The following ABCG2 variants were observed in gnomAD, a reference collection of about 807,000 sequenced individuals.
The protein encoded by ABCG2 is broad substrate specificity ATP-binding cassette transporter ABCG2.
ABCG2 carries 80 observed loss-of-function variants against 73.5 expected under a neutral mutation model. The ratio of observed to expected loss-of-function variants is 1.09; its 90% CI spans 0.91 to 1.31. The LOEUF is 1.31. ABCG2 is among the 50% of genes most tolerant of loss of function. ABCG2 has a pLI of 0.00. For missense variants in ABCG2, 796 were observed against 786.2 expected, an observed-to-expected ratio of 1.01 and a Z score of -0.15; for synonymous variants, 269 against 282.4, an observed-to-expected ratio of 0.95 and a Z score of 0.48.
At position 88,202,353 on chromosome 4, in the gene ABCG2, T is replaced by TAAA. The variant is rs59941193; in HGVS notation, c.-20+28640_-20+28641insTTT. Among the ~76,000 whole-genome samples, 10 of 66,658 alleles carry TAAA rather than the reference T, an allele frequency of 1.5e-4. 1 individual carries two copies. The highest frequency in any genetic ancestry group is 2.8e-4 in the Non-Finnish European group (9 of 31,690). 43.7% of individuals were successfully genotyped at this position (66,658 alleles called of 152,430 possible). A position where few individuals can be genotyped will look rare whatever the true frequency, so the allele number is the denominator to read the frequency against. ...TAGGAGGACCCCATCTCTACAATTA[T>TAAA]TTATATATATATATATATATATATG... On this transcript the variant is annotated intron_variant, in intron 1 of 15. Coordinates refer to the ABCG2 transcript ENST00000515655.
At chr4:88,127,528 C>T (rs1724515011) in intron 5 of ABCG2, among the ~76,000 whole-genome samples, 2 of 152,270 alleles carry the variant, frequency 1.3e-5, no homozygotes, top group South Asian at 2.1e-4. Context: ...AACTATACTA[C>T]AAGGCTACAG....
chr4:88,156,372 A>AAAG, intron 1 of ABCG2, among the ~76,000 whole-genome samples: 1 of 144,774 alleles, frequency 6.9e-6, no homozygotes, highest in Non-Finnish European at 1.5e-5. Context: ...CTCCGTCTCA[A>AAAG]AAAAAAAAAA....
intron 8 of ABCG2, among the ~76,000 whole-genome samples, chr4:88,114,164 A>G (rs1348632354): frequency 6.6e-6 from 1 of 152,054 alleles, no homozygotes; most frequent in Non-Finnish European, 1.5e-5. Flanking sequence ...TAAGTAATAA[A>G]TTAAAATGTA....
intron 1 of ABCG2, among the ~76,000 whole-genome samples, chr4:88,207,472 G>A (rs965305982): frequency 3.3e-5 from 5 of 152,076 alleles, no homozygotes; most frequent in African/African-American, 9.7e-5. Context: ...CTTTCTGTTC[G>A]AGGACAAGAA....
At chr4:88,172,464 G>A (rs1727793710) in intron 1 of ABCG2, among the ~76,000 whole-genome samples, 1 of 151,080 alleles carries the variant, frequency 6.6e-6, no homozygotes, top group South Asian at 2.1e-4. Context: ...TGTAATCCCA[G>A]CTTACTCAGG....
At chr4:88,190,684 A>G (rs903472133) in intron 1 of ABCG2, among the ~76,000 whole-genome samples, 12 of 152,230 alleles carry the variant, frequency 7.9e-5, no homozygotes, top group African/African-American at 2.4e-4. Flanking sequence ...TAAGAAAATG[A>G]AAAGACGAGC....
chr4:88,135,757 A>C (rs1161648944), intron 2 of ABCG2, among the ~76,000 whole-genome samples: 1 of 152,222 alleles, frequency 6.6e-6, no homozygotes, highest in Non-Finnish European at 1.5e-5. Context: ...AAATTTCTGC[A>C]TTTTTATAAA....
At chr4:88,119,947 A>G (rs188564993) in intron 6 of ABCG2, among the ~76,000 whole-genome samples, 86 of 152,346 alleles carry the variant, frequency 5.6e-4, no homozygotes, top group African/African-American at 1.9e-3. Flanking sequence ...CCAAATGTTA[A>G]TCACCAAGAC....
chr4:88,220,641 G>A (rs1297623440), intron 1 of ABCG2: 2 of 152,550 alleles, frequency 1.3e-5, no homozygotes, highest in African/African-American at 4.8e-5. Flanking sequence ...GACAGAGAAC[G>A]GTAGACCAGT....
At chr4:88,154,031 G>C (rs1726746746) in intron 1 of ABCG2, among the ~76,000 whole-genome samples, 1 of 152,212 alleles carries the variant, frequency 6.6e-6, no homozygotes. Context: ...GGCCTGTGAG[G>C]CTGGAAGGAG....
intron 1 of ABCG2, among the ~76,000 whole-genome samples, chr4:88,157,423 A>G (rs1317727946): frequency 6.6e-6 from 1 of 152,328 alleles, no homozygotes; most frequent in Non-Finnish European, 1.5e-5. Flanking sequence ...AAATCCAAAT[A>G]AAGTCTGTAG....
At position 88,100,753 on chromosome 4, in the gene ABCG2, G is replaced by A. The variant is rs375017772; in HGVS notation, c.1367+477C>T. 1.6e-4 allele frequency among the ~76,000 whole-genome samples: 24 copies of A among 152,172 alleles called. No individual in the cohort carries two copies. In the East Asian group the frequency reaches 2.9e-3, roughly 18 times the overall value. On this transcript the variant is annotated intron_variant, in intron 11 of 15. Transcript: ENST00000237612. ...GCTCGTGCCACTTCCCTGGTCCACCGAGGGCTAAGCATGGTCACGTTCTTT... is the reference window on the plus strand; with the variant it reads ...GCTCGTGCCACTTCCCTGGTCCACCAAGGGCTAAGCATGGTCACGTTCTTT...
Position 88,203,614 on chromosome 4 carries a change from C to T in ABCG2, c.-20+27380G>A, listed in dbSNP as rs570406270. On this transcript the variant is annotated intron_variant, in intron 1 of 15. Coordinates refer to the ABCG2 transcript ENST00000515655. The stretch of plus-strand genomic sequence containing the variant: ...ACTAAAAATACAAAAATTAGCTGGG[C>T]GTGGTGGTGGGCGCCTGTAATCCCA... Among the ~76,000 whole-genome samples, 18 of 151,992 alleles carry T rather than the reference C, an allele frequency of 1.2e-4. No individual in the cohort carries two copies. In the South Asian group the frequency reaches 3.5e-3, roughly 30 times the overall value.
At chr4:88,194,501 G>A (rs1236787935) in intron 1 of ABCG2, among the ~76,000 whole-genome samples, 1 of 137,728 alleles carries the variant, frequency 7.3e-6, no homozygotes, top group Non-Finnish European at 1.5e-5. Context: ...AGTGAGCCGA[G>A]ATCTGGCCAC....
At chr4:88,168,883 A>G (rs1481184202) in intron 1 of ABCG2, among the ~76,000 whole-genome samples, 1 of 151,622 alleles carries the variant, frequency 6.6e-6, no homozygotes, top group South Asian at 2.1e-4. Flanking sequence ...AAAAAATTGT[A>G]TTAGCAATGC....
intron 1 of ABCG2, among the ~76,000 whole-genome samples, chr4:88,176,039 G>A (rs184919794): frequency 9.9e-5 from 15 of 152,216 alleles, no homozygotes; most frequent in African/African-American, 3.4e-4. Context: ...TCCTCACAGA[G>A]TTCTCTACAG....
chr4:88,191,838 T>A (rs1168148355), intron 1 of ABCG2, among the ~76,000 whole-genome samples: 2 of 152,120 alleles, frequency 1.3e-5, no homozygotes, highest in African/African-American at 4.8e-5. Context: ...ACATGCTAAG[T>A]ATAATAAAAG....
chr4:88,175,428 A>C (rs7657928), intron 1 of ABCG2, among the ~76,000 whole-genome samples: 36,045 of 151,962 alleles, frequency 0.24, 5,629 homozygotes, highest in African/African-American at 0.45. Context: ...ATTCCTTCTT[A>C]ATTTATTAGC....
chr4:88,171,655 G>A (rs1283086181), intron 1 of ABCG2, among the ~76,000 whole-genome samples: 2 of 151,226 alleles, frequency 1.3e-5, no homozygotes, highest in Middle Eastern at 3.2e-3. Flanking sequence ...TGTGTTTCTG[G>A]TTGTATTATC....
Sources: allele counts gnomAD v4.1 joint callset (sites outside exome capture counted in the v4.1 genomes callset), GRCh38; gene constraint gnomAD v4.1.1; transcripts MANE v1.5; gene names NCBI Gene and HGNC (gene_info 2026-07-23, HGNC 2026-07-21).